Variants in KCTD16 observed in about 807,000 individuals in gnomAD.
KCTD16 encodes potassium channel tetramerization domain containing 16.
In KCTD16, 13 loss-of-function variants were observed where a neutral mutation model predicts 33.2. The observed-to-expected ratio is 0.39, with a 90% CI of 0.25 to 0.62. KCTD16 has a LOEUF of 0.62. KCTD16 is among the 20% of genes least tolerant of loss of function. The pLI, the probability that KCTD16 is intolerant of heterozygous loss-of-function variation, is 0.50. For missense variants in KCTD16, 441 were observed against 525.1 expected (o/e 0.84, Z 1.57); for synonymous variants, 197 against 195.3 (o/e 1.01, Z -0.07).
At chr5:144,286,021 T>C (rs1755735663) in intron 3 of KCTD16, among the ~76,000 whole-genome samples, 1 of 151,924 alleles carries the variant, frequency 6.6e-6, no homozygotes, top group African/African-American at 2.4e-5. Flanking sequence ...CATGATATTT[T>C]TGGCAGGAAA....
chr5:144,186,267 G>A (rs965015122), intron 2 of KCTD16, among the ~76,000 whole-genome samples: 4 of 149,956 alleles, frequency 2.7e-5, no homozygotes, highest in Admixed American at 6.7e-5. Context: ...GTTTACACTA[G>A]CATCTAAAGT....
intron 3 of KCTD16, among the ~76,000 whole-genome samples, chr5:144,419,265 T>C (rs921211931): frequency 6.6e-6 from 1 of 152,166 alleles, no homozygotes; most frequent in African/African-American, 2.4e-5. Flanking sequence ...TCCTGAAAGG[T>C]TTACAGTGGG....
chr5:144,241,115 C>T (rs1754391153), intron 3 of KCTD16, among the ~76,000 whole-genome samples: 2 of 152,078 alleles, frequency 1.3e-5, no homozygotes, highest in African/African-American at 4.8e-5. Flanking sequence ...TTGAGGTCCT[C>T]CTCTTAACTC....
Position 144,208,663 on chromosome 5 carries a change from G to T in KCTD16, c.832+1117G>T, listed in dbSNP as rs938875135. 3.9e-5 allele frequency among the ~76,000 whole-genome samples: 6 copies of T among 152,082 alleles called. No homozygotes were observed. In the East Asian group the frequency reaches 5.8e-4, roughly 15 times the overall value. On this transcript the variant is annotated intron_variant, in intron 3 of 3. Coordinates refer to ENST00000512467, the MANE Select transcript of KCTD16 (RefSeq NM_020768.4). Reference sequence around the variant, plus strand: ...AAGTAGGACTGAATTTCTTGGACTGGTTTTTTTCCTTAGTTATGTTTAATC... The same window carrying T: ...AAGTAGGACTGAATTTCTTGGACTGTTTTTTTTCCTTAGTTATGTTTAATC...
rs759366932 is a variant in KCTD16, at chr5:144,207,293, G to A, written c.579G>A (p.Leu193=). Residue 193 remains leucine (L), a synonymous_variant, in exon 3 of 4, where the codon TTG becomes TTA. Coordinates refer to ENST00000512467, the MANE Select transcript of KCTD16 (RefSeq NM_020768.4). ...AGTTTCGGAGAGTTCCCCGGATTTT[G>A]GTTTGTGGAAGGATTTCCTTGGCAA... The part of the protein sequence containing the change: ...DAKFRRVPRI[L]VCGRISLAKE... 11 of 1,614,170 alleles carry A rather than the reference G, an allele frequency of 6.8e-6. No homozygotes were observed. The South Asian group carries it at 9.9e-5, about 15-fold the overall frequency.
At chr5:144,344,654 A>G (rs200317794) in intron 3 of KCTD16, among the ~76,000 whole-genome samples, 7 of 149,406 alleles carry the variant, frequency 4.7e-5, no homozygotes, top group South Asian at 2.1e-4. Flanking sequence ...ACCACAATGA[A>G]ATACCATCTC....
chr5:144,198,836 G>A (rs2126784366), intron 2 of KCTD16, among the ~76,000 whole-genome samples: 1 of 152,258 alleles, frequency 6.6e-6, no homozygotes, highest in Admixed American at 6.5e-5. Context: ...TCCTCTCCTA[G>A]AAGGGAGAGC....
intron 3 of KCTD16, among the ~76,000 whole-genome samples, chr5:144,319,375 A>G (rs1752014897): frequency 6.6e-6 from 1 of 152,220 alleles, no homozygotes; most frequent in Non-Finnish European, 1.5e-5. Flanking sequence ...GTGTACTTCT[A>G]TGCATCTCAA....
At chr5:144,260,186 GTT>G (rs1754967793) in intron 3 of KCTD16, among the ~76,000 whole-genome samples, 1 of 152,204 alleles carries the variant, frequency 6.6e-6, no homozygotes, top group African/African-American at 2.4e-5. Context: ...AAGTAAGACT[GTT>G]TGTGGAAAAC....
chr5:144,459,614 T>G (rs2126991159), intron 3 of KCTD16, among the ~76,000 whole-genome samples: 1 of 152,136 alleles, frequency 6.6e-6, no homozygotes, highest in South Asian at 2.1e-4. Flanking sequence ...CCTCCCAAAG[T>G]GCCGGGATTA....
At chr5:144,235,705 T>C (rs1754232204) in intron 3 of KCTD16, among the ~76,000 whole-genome samples, 1 of 152,128 alleles carries the variant, frequency 6.6e-6, no homozygotes, top group Non-Finnish European at 1.5e-5. Context: ...AAAAGCTTTT[T>C]AGATAGAAAA....
intron 3 of KCTD16, among the ~76,000 whole-genome samples, chr5:144,413,454 T>C (rs990669779): frequency 6.6e-6 from 1 of 152,244 alleles, no homozygotes; most frequent in African/African-American, 2.4e-5. Context: ...AAATTGAAGA[T>C]TACACATAAT....
At chr5:144,466,489 G>A (rs1415042923) in intron 3 of KCTD16, among the ~76,000 whole-genome samples, 1 of 152,010 alleles carries the variant, frequency 6.6e-6, no homozygotes, top group Non-Finnish European at 1.5e-5. Flanking sequence ...GGATTTTTAA[G>A]TTGTTCAAAT....
intron 3 of KCTD16, among the ~76,000 whole-genome samples, chr5:144,208,807 G>GA (rs2126791589): frequency 6.6e-6 from 1 of 152,200 alleles, no homozygotes; most frequent in South Asian, 2.1e-4. Context: ...ACAACCTGTG[G>GA]AAAAAAACGA....
At chr5:144,454,766 A>G (rs1754023900) in intron 3 of KCTD16, among the ~76,000 whole-genome samples, 1 of 152,156 alleles carries the variant, frequency 6.6e-6, no homozygotes. Context: ...AGAAGAAAGT[A>G]TCATTATAGG....
At position 144,317,730 on chromosome 5, in the gene KCTD16, A is replaced by G. The variant is rs560778745; in HGVS notation, c.832+110184A>G. Among the ~76,000 whole-genome samples, 3 of 152,238 alleles carry G rather than the reference A, an allele frequency of 2.0e-5. No homozygotes were observed. The East Asian group carries it at 5.8e-4, about 29-fold the overall frequency. Reference sequence around the variant, plus strand: ...TCTCCTTCTTCTGATTCCCTCCTGGATGGCTTATCTCCTAAAGCAGACCTG... The same window carrying G: ...TCTCCTTCTTCTGATTCCCTCCTGGGTGGCTTATCTCCTAAAGCAGACCTG... On this transcript the variant is annotated intron_variant, in intron 3 of 3. Coordinates refer to ENST00000512467, the MANE Select transcript of KCTD16 (RefSeq NM_020768.4).
At chr5:144,454,305 G>A (rs1228499601) in intron 3 of KCTD16, among the ~76,000 whole-genome samples, 1 of 152,084 alleles carries the variant, frequency 6.6e-6, no homozygotes, top group Non-Finnish European at 1.5e-5. Flanking sequence ...CATAGAACCA[G>A]AAACACCCAT....
chr5:144,421,474 G>A (rs745326199), intron 3 of KCTD16, among the ~76,000 whole-genome samples: 34 of 152,078 alleles, frequency 2.2e-4, no homozygotes, highest in Admixed American at 7.9e-4. Context: ...ATTTTTGTGC[G>A]TACCTGGGAC....
intron 3 of KCTD16, among the ~76,000 whole-genome samples, chr5:144,417,044 TCTA>T (rs1336497044): frequency 6.6e-6 from 1 of 152,222 alleles, no homozygotes; most frequent in Non-Finnish European, 1.5e-5. Flanking sequence ...TTAGGCTACT[TCTA>T]CTTTTTGGTT....
Sources: allele counts gnomAD v4.1 joint callset (sites outside exome capture counted in the v4.1 genomes callset), GRCh38; gene constraint gnomAD v4.1.1; transcripts MANE v1.5; gene names NCBI Gene and HGNC (gene_info 2026-07-23, HGNC 2026-07-21).